The following OGFRL1 variants were observed in gnomAD, a reference collection of about 807,000 sequenced individuals.
OGFRL1 encodes opioid growth factor receptor like 1.
In OGFRL1, 26 loss-of-function variants were observed where a neutral mutation model predicts 32.4. That is an observed-to-expected ratio of 0.80 (90% CI 0.59 to 1.11). The LOEUF is 1.11. Among genes scored for constraint, OGFRL1 ranks in the 50% most tolerant of loss-of-function variants. The probability of loss-of-function intolerance (pLI) is 0.00; values close to 1 mark genes in which losing one functional copy is unlikely to be tolerated. For missense variants in OGFRL1, 521 were observed against 546.4 expected (o/e 0.95, Z 0.46); for synonymous variants, 211 against 201.2 (o/e 1.05, Z -0.41).
chr6:71,294,306 A>G (rs1766138807), intron 3 of OGFRL1, among the ~76,000 whole-genome samples: 1 of 152,060 alleles, frequency 6.6e-6, no homozygotes, highest in South Asian at 2.1e-4. Context: ...TGGTCATCCT[A>G]ATTTTATCCA....
At position 71,301,769 on chromosome 6, in the gene OGFRL1, A is replaced by G. The variant is rs1208736532; in HGVS notation, c.1076A>G (p.Asn359Ser). Residue 359 changes from asparagine (N) to serine (S), a missense_variant, in exon 7 of 7, where the codon AAT becomes AGT. Transcript: ENST00000370435. ...AATTCCTCCTCAGCTGTTCATTTAA[A>G]TAGCAAAACAGCTGAAGACAAAAAA... The part of the protein sequence containing the change: ...SKNSSSAVHL[N>S]SKTAEDKKVA... 2 of 1,614,084 alleles carry G rather than the reference A, an allele frequency of 1.2e-6. No individual in the cohort carries two copies. Among genetic ancestry groups the G allele is most frequent in the Non-Finnish European group, 1.7e-6 (2 of 1,180,024 alleles).
At chr6:71,300,853 C>T (rs1210114479) in intron 6 of OGFRL1, among the ~76,000 whole-genome samples, 1 of 152,156 alleles carries the variant, frequency 6.6e-6, no homozygotes, top group Non-Finnish European at 1.5e-5. Flanking sequence ...AGTTTTGTGT[C>T]CTTTGTCAGA....
intron 6 of OGFRL1, among the ~76,000 whole-genome samples, chr6:71,298,458 A>G (rs748728726): frequency 6.6e-6 from 1 of 152,194 alleles, no homozygotes; most frequent in East Asian, 1.9e-4. Context: ...TTGCTTAATA[A>G]ATTTTTATTG....
intron 1 of OGFRL1, chr6:71,289,493 A>G (rs1561944805): frequency 3.2e-5 from 31 of 964,394 alleles, no homozygotes; most frequent in Non-Finnish European, 3.8e-5. Flanking sequence ...GTGGGGTGGG[A>G]GGAACCTGTC....
intron 3 of OGFRL1, chr6:71,295,562 G>A (rs981988933): frequency 6.6e-6 from 1 of 152,140 alleles, no homozygotes; most frequent in Non-Finnish European, 1.5e-5. Flanking sequence ...TTGCACTCAA[G>A]ATTTACTTTT....
intron 6 of OGFRL1, among the ~76,000 whole-genome samples, chr6:71,300,492 T>A (rs753605626): frequency 5.9e-5 from 9 of 151,998 alleles, no homozygotes; most frequent in East Asian, 1.9e-4. Context: ...AATTATCAGA[T>A]AGGGAAAGAG....
At position 71,289,117 on chromosome 6, in the gene OGFRL1, C is replaced by G. The variant is rs960298418; in HGVS notation, c.181C>G (p.Pro61Ala). The change falls in exon 1 of 7, where the codon CCC becomes GCC. Residue 61 changes from proline (P) to alanine (A), a missense_variant. Physicochemically the swap from Pro to Ala is conservative, Grantham distance 27. Transcript: ENST00000370435. ...GCCCCCGGAGCAAGCCGGCGGGCGG[C>G]CCGGCGCCAGCCCCGCGCCGGACGA... ...AQPPEQAGGR[P>A]GASPAPDEDA... The G allele has an allele frequency of 1.8e-6, 2 of 1,111,188 alleles. No individual in the cohort carries two copies. The highest frequency in any genetic ancestry group is 2.2e-6 in the Non-Finnish European group (2 of 912,438). The allele number at this position is 1,111,188 out of a possible 1,614,324, so 68.8% of individuals were successfully genotyped here.
chr6:71,289,763 T>C (rs1171750658), intron 1 of OGFRL1: 2 of 985,234 alleles, frequency 2.0e-6, no homozygotes, highest in African/African-American at 3.5e-5. Context: ...AGAAGACTTG[T>C]TGATCCAACT....
At chr6:71,289,205 G>C in intron 1 of OGFRL1, 35 bp downstream of exon 1, 1 of 1,056,508 alleles carries the variant, frequency 9.5e-7, no homozygotes, top group Non-Finnish European at 1.1e-6. Flanking sequence ...GGTCGGGCTG[G>C]GGCGCCCCGA....
Position 71,296,172 on chromosome 6 carries a change from G to T in OGFRL1, c.401-145G>T, listed in dbSNP as rs1429649362. ...CACATAACCGAATATATGGGCATAG[G>T]GTATTCATCTTTTTAAAAGCACTAT... On this transcript the variant is annotated intron_variant, in intron 3 of 6. Coordinates refer to ENST00000370435, the MANE Select transcript of OGFRL1 (RefSeq NM_024576.5). 1.0e-5 allele frequency: 6 copies of T among 590,240 alleles called. No individual in the cohort carries two copies. In the Admixed American group the frequency reaches 1.6e-4, roughly 16 times the overall value. The allele number at this position is 590,240 out of a possible 1,614,324, so 36.6% of individuals were successfully genotyped here. A position where few individuals can be genotyped will look rare whatever the true frequency, so the allele number is the denominator to read the frequency against.
At chr6:71,290,061 C>T (rs1049306203) in intron 1 of OGFRL1, among the ~76,000 whole-genome samples, 49 of 152,176 alleles carry the variant, frequency 3.2e-4, no homozygotes, top group Non-Finnish European at 3.2e-4. Context: ...CTAACACCGC[C>T]TCAGCCATCT....
At position 71,301,812 on chromosome 6, in the gene OGFRL1, T is replaced by A. The variant is rs1410800813; in HGVS notation, c.1119T>A (p.Pro373=). Residue 373 remains proline, a synonymous_variant, in exon 7 of 7, where the codon CCT becomes CCA. Coordinates refer to ENST00000370435, the MANE Select transcript of OGFRL1 (RefSeq NM_024576.5). ...AEDKKVAPKE[P]VEETDRPSPE... is the part of the protein sequence containing the mutation. ...ACAAAAAAGTGGCACCAAAAGAGCC[T>A]GTGGAAGAGACAGACAGGCCCAGCC... 6.2e-7 allele frequency: 1 copy of A among 1,613,124 alleles called. No homozygotes were observed. Among genetic ancestry groups the A allele is most frequent in the Admixed American group, 1.7e-5 (1 of 59,794 alleles).
chr6:71,296,650 C>CT (rs763001726), intron 5 of OGFRL1, 22 bp from the exon 6 acceptor site: 9 of 1,608,742 alleles, frequency 5.6e-6, no homozygotes, highest in Admixed American at 1.7e-5. Context: ...TTTCAGGTGA[C>CT]TTTTTTCATT....
In OGFRL1 at chr6:71,308,443, A is replaced by T. The variant is rs527395556; in HGVS notation, c.*6394A>T. 2.0e-5 allele frequency: 3 copies of T among 152,200 alleles called. No individual in the cohort carries two copies. The highest frequency in any genetic ancestry group is 4.4e-5 in the Non-Finnish European group (3 of 68,020). The allele number at this position is 152,200 out of a possible 1,614,324, so 9.4% of individuals were successfully genotyped here. On this transcript the variant is annotated 3_prime_UTR_variant, in exon 7 of 7. Coordinates refer to ENST00000370435, the MANE Select transcript of OGFRL1 (RefSeq NM_024576.5). ...GGTAGATTATGTCATTTTGGAAACT[A>T]TTGTGTCCCTTGTATTTTAAATATT...
chr6:71,296,503 C>T lies in OGFRL1; in HGVS notation c.488C>T (p.Pro163Leu). The T allele has an allele frequency of 3.7e-6, 6 of 1,608,886 alleles. No individual in the cohort carries two copies. The highest frequency in any genetic ancestry group is 5.1e-6 in the Non-Finnish European group (6 of 1,177,820). Residue 163 changes from proline (P) to leucine (L), a missense_variant, in exon 5 of 7, where the codon CCC becomes CTC. Physicochemically the swap from Pro to Leu is moderately conservative, Grantham distance 98. Transcript: ENST00000370435. The part of the protein sequence containing the change: ...HNHTYIQWLF[P>L]LREQGLNFYA... ...TTTTTTAAAATAAATAGGCTTTTCCCCCTGAGAGAACAAGGCTTGAACTTC... is the reference window on the plus strand; with the variant it reads ...TTTTTTAAAATAAATAGGCTTTTCCTCCTGAGAGAACAAGGCTTGAACTTC...
chr6:71,292,977 G>A (rs1766093332), intron 1 of OGFRL1, among the ~76,000 whole-genome samples: 1 of 152,034 alleles, frequency 6.6e-6, no homozygotes, highest in Admixed American at 6.6e-5. Context: ...TAAATGTCTT[G>A]AATTCCTTTT....
chr6:71,289,508 A>C, intron 1 of OGFRL1: 1 of 982,824 alleles, frequency 1.0e-6, no homozygotes, highest in Non-Finnish European at 1.2e-6. Context: ...CCTGTCTAAA[A>C]ATAGAGGATT....
chr6:71,296,126 AT>A (rs1040822553), intron 3 of OGFRL1, among the ~76,000 whole-genome samples, 190 bp from the exon 4 acceptor site: 11 of 152,040 alleles, frequency 7.2e-5, no homozygotes, highest in African/African-American at 2.7e-4. Flanking sequence ...GGTGCTATTA[AT>A]TTTTTTTAAT....
rs1766423143 is a variant in OGFRL1 at position 71,302,273 on chromosome 6, C to G, written c.*224C>G. ...CAATAAATGAATGTATTCTGTAATGCTTTTAGGATGTGAATTTTCAAATTT... is the reference window on the plus strand; with the variant it reads ...CAATAAATGAATGTATTCTGTAATGGTTTTAGGATGTGAATTTTCAAATTT... On this transcript the variant is annotated 3_prime_UTR_variant, in exon 7 of 7. Coordinates refer to ENST00000370435, the MANE Select transcript of OGFRL1 (RefSeq NM_024576.5). 5.8e-6 allele frequency: 2 copies of G among 345,774 alleles called. No homozygotes were observed. Among genetic ancestry groups the G allele is most frequent in the South Asian group, 2.1e-4 (2 of 9,458 alleles). The allele number at this position is 345,774 out of a possible 1,614,324, so 21.4% of individuals were successfully genotyped here.
Sources: allele counts gnomAD v4.1 joint callset (sites outside exome capture counted in the v4.1 genomes callset), GRCh38; gene constraint gnomAD v4.1.1; transcripts MANE v1.5; gene names NCBI Gene and HGNC (gene_info 2026-07-23, HGNC 2026-07-21).